TTC27: variants seen among roughly 807,000 people sequenced by gnomAD.
TTC27 encodes tetratricopeptide repeat protein 27.
A neutral mutation model predicts 115.9 loss-of-function variants in TTC27; 79 were observed. The observed-to-expected ratio is 0.68, with a 90% CI of 0.57 to 0.82. The LOEUF is 0.82. Among genes scored for constraint, TTC27 ranks in the 40% least tolerant of loss-of-function variants. TTC27 has a pLI of 0.00. For synonymous variants in TTC27, 401 were observed against 356.0 expected, an observed-to-expected ratio of 1.13 and a Z score of -1.42; for missense variants, 1,054 against 993.1, an observed-to-expected ratio of 1.06 and a Z score of -0.82.
intron 19 of TTC27, among the ~76,000 whole-genome samples, chr2:32,819,330 AC>A (rs899766501): frequency 6.6e-6 from 1 of 152,172 alleles, no homozygotes; most frequent in Non-Finnish European, 1.5e-5. Context: ...TTAGATGCCA[AC>A]TGGATTATCC....
At position 32,628,142 on chromosome 2, in the gene TTC27, C is replaced by G. The variant is rs1417590602; in HGVS notation, c.-151C>G. 2.9e-6 allele frequency: 2 copies of G among 701,544 alleles called. No individual in the cohort carries two copies. The highest frequency in any genetic ancestry group is 5.3e-5 in the Admixed American group (2 of 37,918). 43.5% of individuals were successfully genotyped at this position (701,544 alleles called of 1,614,324 possible). A position where few individuals can be genotyped will look rare whatever the true frequency, so the allele number is the denominator to read the frequency against. On this transcript the variant is annotated 5_prime_UTR_variant, in exon 1 of 20. Coordinates refer to ENST00000317907, the MANE Select transcript of TTC27 (RefSeq NM_017735.5). ...ATGGCCGCCTCCTTGAGGTAGTATC[C>G]GCACATGGAATTCTAGGGCCGCAGG...
At chr2:32,790,548 C>T (rs1670502450) in intron 16 of TTC27, among the ~76,000 whole-genome samples, 1 of 152,100 alleles carries the variant, frequency 6.6e-6, no homozygotes, top group African/African-American at 2.4e-5. Flanking sequence ...AACATACCCA[C>T]CACCTTGTTT....
intron 3 of TTC27, among the ~76,000 whole-genome samples, chr2:32,636,748 A>G (rs1034079950): frequency 6.6e-6 from 1 of 152,246 alleles, no homozygotes; most frequent in African/African-American, 2.4e-5. Flanking sequence ...AGTTCAGACC[A>G]TAAGAAATAT....
At chr2:32,784,255 C>T (rs146669346) in intron 15 of TTC27, among the ~76,000 whole-genome samples, 206 of 152,238 alleles carry the variant, frequency 1.4e-3, no homozygotes, top group African/African-American at 4.7e-3. Context: ...TATTGTTTCT[C>T]GACTTTCTTA....
rs1667102612 is a variant in TTC27 at position 32,699,278 on chromosome 2, ATTAAGG to A, written c.1120-3528_1120-3523del. ...TGAGAAGGCTCCCTCACAAAGTGGCATTAAGGCCAAGACCTAAATGAGACAGAGCCA... is the reference window on the plus strand; with the variant it reads ...TGAGAAGGCTCCCTCACAAAGTGGCACCAAGACCTAAATGAGACAGAGCCA... On this transcript the variant is annotated intron_variant, in intron 9 of 19. Transcript: ENST00000317907. Among the ~76,000 whole-genome samples the A allele has an allele frequency of 2.6e-5, 4 of 152,242 alleles. No individual in the cohort carries two copies. The South Asian group carries it at 8.3e-4, about 32-fold the overall frequency.
intron 12 of TTC27, among the ~76,000 whole-genome samples, chr2:32,743,769 A>G (rs1668725105): frequency 6.6e-6 from 1 of 152,196 alleles, no homozygotes; most frequent in Non-Finnish European, 1.5e-5. Flanking sequence ...AGATTCTGCT[A>G]TATGACCTCT....
At chr2:32,680,562 A>T (rs1360852918) in intron 9 of TTC27, among the ~76,000 whole-genome samples, 1 of 152,052 alleles carries the variant, frequency 6.6e-6, no homozygotes, top group East Asian at 1.9e-4. Flanking sequence ...CTGAACATAG[A>T]TCTGTGTGAA....
chr2:32,677,211 T>C (rs540348727), intron 8 of TTC27, among the ~76,000 whole-genome samples: 2 of 152,328 alleles, frequency 1.3e-5, no homozygotes, highest in East Asian at 3.9e-4. Flanking sequence ...CATGTTGTTA[T>C]ATGTAGCTGC....
intron 16 of TTC27, among the ~76,000 whole-genome samples, chr2:32,798,882 C>G (rs1431559093): frequency 6.6e-6 from 1 of 152,118 alleles, no homozygotes; most frequent in East Asian, 1.9e-4. Context: ...ACTTTTACTT[C>G]TGGGTATATA....
At chr2:32,683,662 A>T (rs977585127) in intron 9 of TTC27, among the ~76,000 whole-genome samples, 1 of 152,242 alleles carries the variant, frequency 6.6e-6, no homozygotes, top group African/African-American at 2.4e-5. Context: ...AAGCTGAGTC[A>T]GAGTAAAAAT....
At chr2:32,802,983 G>GT (rs1317466769) in intron 16 of TTC27, among the ~76,000 whole-genome samples, 1 of 152,024 alleles carries the variant, frequency 6.6e-6, no homozygotes, top group African/African-American at 2.4e-5. Context: ...CTGTTGGCTC[G>GT]TATTTCCCTG....
At chr2:32,718,029 A>G (rs1181440473) in intron 10 of TTC27, among the ~76,000 whole-genome samples, 1 of 152,230 alleles carries the variant, frequency 6.6e-6, no homozygotes, top group Non-Finnish European at 1.5e-5. Flanking sequence ...TATTTAGATC[A>G]GCATCTCAGG....
chr2:32,704,548 G>A (rs1047800230), intron 10 of TTC27, among the ~76,000 whole-genome samples: 1 of 152,076 alleles, frequency 6.6e-6, no homozygotes, highest in African/African-American at 2.4e-5. Context: ...AGAACAGTAC[G>A]AAGAATTCCC....
rs767668003 is a variant in TTC27, at chr2:32,681,976, ATATATG to A, written c.1119+3056_1119+3061del. Among the ~76,000 whole-genome samples, 11 of 58,896 alleles carry A rather than the reference ATATATG, an allele frequency of 1.9e-4. 1 individual carries two copies. The South Asian group carries it at 4.1e-3, about 22-fold the overall frequency. The allele number at this position is 58,896 out of a possible 152,430, so 38.6% of individuals were successfully genotyped here. On this transcript the variant is annotated intron_variant, in intron 9 of 19. Coordinates refer to ENST00000317907, the MANE Select transcript of TTC27 (RefSeq NM_017735.5). Reference sequence around the variant, plus strand: ...ATTATAATTATTTATATATATGTATATATATGTGTGTGTGTGTGTGTGTGTGTGTGT... The same window carrying A: ...ATTATAATTATTTATATATATGTATATGTGTGTGTGTGTGTGTGTGTGTGT...
rs556358837 is a variant in TTC27 at position 32,740,483 on chromosome 2, A to T, written c.1452+3667A>T. Among the ~76,000 whole-genome samples, 5 of 145,676 alleles carry T rather than the reference A, an allele frequency of 3.4e-5. No homozygotes were observed. In the South Asian group the frequency reaches 8.7e-4, roughly 25 times the overall value. ...TTTTTTTCTATCATAGAGATTCTTT[A>T]TACAGTTTAAAAGATTTTCCCAGAA... On this transcript the variant is annotated intron_variant, in intron 12 of 19. Coordinates refer to ENST00000317907, the MANE Select transcript of TTC27 (RefSeq NM_017735.5).
At chr2:32,778,918 A>C (rs1277480097) in intron 14 of TTC27, among the ~76,000 whole-genome samples, 2 of 152,156 alleles carry the variant, frequency 1.3e-5, no homozygotes, top group African/African-American at 4.8e-5. Flanking sequence ...GATCTGCCAG[A>C]CTGTTTTCCA....
At chr2:32,795,531 C>CTTAT (rs70938366) in intron 16 of TTC27, among the ~76,000 whole-genome samples, 7,597 of 142,832 alleles carry the variant, frequency 0.053, 257 homozygotes, top group East Asian at 0.17. Context: ...AGCTTCTTTT[C>CTTAT]TTATTTATTT....
intron 12 of TTC27, among the ~76,000 whole-genome samples, chr2:32,749,376 A>C (rs1247251775): frequency 6.6e-6 from 1 of 152,202 alleles, no homozygotes; most frequent in Non-Finnish European, 1.5e-5. Context: ...CTGCCAGGCC[A>C]CTAGTTTTCA....
Position 32,820,979 on chromosome 2 carries a change from C to T in TTC27, c.*41C>T. 6.9e-7 allele frequency: 1 copy of T among 1,438,852 alleles called. No individual in the cohort carries two copies. The highest frequency in any genetic ancestry group is 9.2e-7 in the Non-Finnish European group (1 of 1,081,866). The allele number at this position is 1,438,852 out of a possible 1,614,324, so 89.1% of individuals were successfully genotyped here. A position where few individuals can be genotyped will look rare whatever the true frequency, so the allele number is the denominator to read the frequency against. The stretch of plus-strand genomic sequence containing the variant: ...ATTCTGGAAAAGGTGCTTTCACCTG[C>T]TGGTAAAAGATACATCTGTATATCT... On this transcript the variant is annotated 3_prime_UTR_variant, in exon 20 of 20. Coordinates refer to ENST00000317907, the MANE Select transcript of TTC27 (RefSeq NM_017735.5).
Sources: allele counts gnomAD v4.1 joint callset (sites outside exome capture counted in the v4.1 genomes callset), GRCh38; gene constraint gnomAD v4.1.1; transcripts MANE v1.5; gene names NCBI Gene and HGNC (gene_info 2026-07-23, HGNC 2026-07-21).